MICU1: variants seen among roughly 807,000 people sequenced by gnomAD.
MICU1 encodes the protein calcium uptake protein 1, mitochondrial.
MICU1 carries 45 observed loss-of-function variants against 56.8 expected under a neutral mutation model. The ratio of observed to expected loss-of-function variants is 0.79; its 90% CI spans 0.62 to 1.02. The LOEUF (loss-of-function observed/expected upper bound fraction) is 1.02. MICU1 is among the 50% of genes least tolerant of loss of function. The pLI, the probability that MICU1 is intolerant of heterozygous loss-of-function variation, is 0.00. For synonymous variants in MICU1, 186 were observed against 195.1 expected (o/e 0.95, Z 0.39); for missense variants, 504 against 587.1 (o/e 0.86, Z 1.46).
intron 5 of MICU1, among the ~76,000 whole-genome samples, chr10:72,528,033 C>T (rs562960274): frequency 6.6e-6 from 1 of 152,242 alleles, no homozygotes; most frequent in African/African-American, 2.4e-5. Context: ...ACCATATTGG[C>T]CAGGTTGGTC....
intron 8 of MICU1, among the ~76,000 whole-genome samples, chr10:72,450,828 G>A (rs1244840228): frequency 6.7e-6 from 1 of 150,140 alleles, no homozygotes; most frequent in African/African-American, 2.5e-5. Flanking sequence ...GGGTTCAAGC[G>A]ATTCTCCCGC....
intron 10 of MICU1, among the ~76,000 whole-genome samples, chr10:72,399,458 T>C (rs1863376976): frequency 6.6e-6 from 1 of 151,904 alleles, no homozygotes; most frequent in African/African-American, 2.4e-5. Context: ...ACTTGAAGTA[T>C]AATAAATAAA....
intron 3 of MICU1, among the ~76,000 whole-genome samples, chr10:72,562,545 T>C (rs771028515): frequency 5.9e-5 from 9 of 152,204 alleles, no homozygotes; most frequent in Non-Finnish European, 1.2e-4. Context: ...AGAGATTTTA[T>C]TCTGTCTCTA....
chr10:72,586,736 TA>T (rs1215185250), intron 1 of MICU1, among the ~76,000 whole-genome samples: 1 of 152,106 alleles, frequency 6.6e-6, no homozygotes, highest in Non-Finnish European at 1.5e-5. Flanking sequence ...GCTCCTGGAA[TA>T]CTAATTTAAA....
intron 5 of MICU1, among the ~76,000 whole-genome samples, chr10:72,524,156 T>A (rs1867901903): frequency 6.6e-6 from 1 of 152,178 alleles, no homozygotes; most frequent in Admixed American, 6.6e-5. Flanking sequence ...AGGGTCTCAC[T>A]CTGTCACCCA....
chr10:72,451,467 C>G (rs1865297178), intron 8 of MICU1, among the ~76,000 whole-genome samples: 1 of 152,068 alleles, frequency 6.6e-6, no homozygotes, highest in African/African-American at 2.4e-5. Flanking sequence ...TCTCCCATAG[C>G]TCTCAAAGGC....
At chr10:72,546,755 T>A (rs897969484) in intron 4 of MICU1, among the ~76,000 whole-genome samples, 1 of 152,156 alleles carries the variant, frequency 6.6e-6, no homozygotes. Context: ...AGACAGGGTC[T>A]CACACTGTTG....
At chr10:72,621,418 A>C (rs1564516590) in intron 1 of MICU1, among the ~76,000 whole-genome samples, 1 of 151,988 alleles carries the variant, frequency 6.6e-6, no homozygotes, top group Non-Finnish European at 1.5e-5. Flanking sequence ...CTTGAACCCA[A>C]GAGGCGGAGG....
intron 8 of MICU1, chr10:72,473,085 G>A (rs1054653536): frequency 6.6e-6 from 1 of 152,188 alleles, no homozygotes; most frequent in Non-Finnish European, 1.5e-5. Context: ...AGGAGACAGA[G>A]CAAGACTCCA....
chr10:72,422,074 CCCCT>C (rs1277811984), intron 9 of MICU1, among the ~76,000 whole-genome samples: 25 of 152,292 alleles, frequency 1.6e-4, no homozygotes, highest in African/African-American at 6.0e-4. Context: ...CCCTCCCTAA[CCCCT>C]ACTGTGCCCA....
intron 10 of MICU1, among the ~76,000 whole-genome samples, chr10:72,395,573 A>AC (rs1475231570): frequency 1.3e-5 from 2 of 152,190 alleles, no homozygotes; most frequent in Non-Finnish European, 2.9e-5. Context: ...GGACACTCCC[A>AC]CCCAAATACT....
At chr10:72,446,024 T>C (rs537517544) in intron 8 of MICU1, among the ~76,000 whole-genome samples, 3 of 152,272 alleles carry the variant, frequency 2.0e-5, no homozygotes, top group South Asian at 4.1e-4. Flanking sequence ...TAAGGAGCAG[T>C]TGGCACTGTT....
chr10:72,610,259 CA>C (rs386371809), intron 1 of MICU1, among the ~76,000 whole-genome samples: 67 of 118,906 alleles, frequency 5.6e-4, no homozygotes, highest in Middle Eastern at 8.8e-3. Context: ...ACATACTCTC[CA>C]AAAAAAAAAA....
intron 1 of MICU1, among the ~76,000 whole-genome samples, chr10:72,592,997 G>T (rs566002945): frequency 6.6e-6 from 1 of 151,930 alleles, no homozygotes; most frequent in Admixed American, 6.6e-5. Flanking sequence ...TGTTGGCCAG[G>T]CTGGTCTTGA....
intron 5 of MICU1, among the ~76,000 whole-genome samples, chr10:72,521,508 C>CTAA (rs1564916553): frequency 1.3e-5 from 2 of 152,074 alleles, no homozygotes; most frequent in African/African-American, 4.8e-5. Flanking sequence ...AAATGCCAGG[C>CTAA]ACTGTGCTAG....
intron 3 of MICU1, among the ~76,000 whole-genome samples, chr10:72,551,919 A>G (rs1464420587): frequency 1.3e-5 from 2 of 152,164 alleles, no homozygotes; most frequent in South Asian, 2.1e-4. Flanking sequence ...TACAGGAAGT[A>G]GCCATTGCAC....
chr10:72,564,300 G>C (rs998970703), intron 2 of MICU1, among the ~76,000 whole-genome samples: 3 of 152,156 alleles, frequency 2.0e-5, no homozygotes, highest in Non-Finnish European at 4.4e-5. Context: ...CAGCACTTCG[G>C]GAGGCCGAGG....
chr10:72,605,601 T>A (rs975047729), intron 1 of MICU1, among the ~76,000 whole-genome samples: 4 of 152,218 alleles, frequency 2.6e-5, no homozygotes, highest in Admixed American at 1.3e-4. Context: ...AAAGGTAATA[T>A]AATAGAATGC....
At chr10:72,585,646 A>G (rs1589367195) in intron 1 of MICU1, among the ~76,000 whole-genome samples, 3 of 151,858 alleles carry the variant, frequency 2.0e-5, no homozygotes, top group East Asian at 1.9e-4. Flanking sequence ...GCGACAGAGC[A>G]AGACTCTTTC....
Sources: allele counts gnomAD v4.1 joint callset (sites outside exome capture counted in the v4.1 genomes callset), GRCh38; gene constraint gnomAD v4.1.1; transcripts MANE v1.5; gene names NCBI Gene and HGNC (gene_info 2026-07-23, HGNC 2026-07-21).